The following CCDC60 variants were observed in gnomAD, a reference collection of about 807,000 sequenced individuals.
CCDC60 encodes the protein coiled-coil domain containing 60.
A neutral mutation model predicts 63.5 loss-of-function variants in CCDC60; 54 were observed. That is an observed-to-expected ratio of 0.85 (90% CI 0.68 to 1.07). The LOEUF (loss-of-function observed/expected upper bound fraction) is 1.07. CCDC60 is among the 50% of genes least tolerant of loss of function. CCDC60 has a pLI of 0.00. For missense variants in CCDC60, 651 were observed against 684.3 expected (o/e 0.95, Z 0.54); for synonymous variants, 206 against 238.8 (o/e 0.86, Z 1.27).
intron 1 of CCDC60, among the ~76,000 whole-genome samples, chr12:119,387,378 A>G (rs1462924571): frequency 1.3e-5 from 2 of 152,218 alleles, no homozygotes; most frequent in Non-Finnish European, 2.9e-5. Context: ...AGTATTTGCT[A>G]GATTTTTCTA....
intron 1 of CCDC60, among the ~76,000 whole-genome samples, chr12:119,338,399 T>C (rs1249384566): frequency 6.6e-6 from 1 of 152,098 alleles, no homozygotes; most frequent in Non-Finnish European, 1.5e-5. Context: ...AACTCTTAAG[T>C]GTGATATTTT....
At position 119,339,817 on chromosome 12, in the gene CCDC60, A is replaced by T. The variant is rs556271343; in HGVS notation, c.90+4551A>T. On this transcript the variant is annotated intron_variant, in intron 1 of 13. Transcript: ENST00000327554. ...AGCGAGATCCTGTCTCAATAAATCA[A>T]CCAACCAATAAAAGAGCAGATTCTT... Among the ~76,000 whole-genome samples, 5 of 152,260 alleles carry T rather than the reference A, an allele frequency of 3.3e-5. No homozygotes were observed. In the South Asian group the frequency reaches 1.0e-3, roughly 32 times the overall value.
At chr12:119,507,614 A>ATTTTTTT (rs1184630442) in intron 7 of CCDC60, among the ~76,000 whole-genome samples, 11 of 50,494 alleles carry the variant, frequency 2.2e-4, no homozygotes, top group African/African-American at 6.4e-4. Context: ...ATATATATAT[A>ATTTTTTT]TTTTTTTTTT....
At chr12:119,471,458 T>C (rs1401609315) in intron 2 of CCDC60, among the ~76,000 whole-genome samples, 1 of 152,208 alleles carries the variant, frequency 6.6e-6, no homozygotes, top group Non-Finnish European at 1.5e-5. Flanking sequence ...CCCCTTCCCA[T>C]GCATGATGGT....
chr12:119,519,401 A>ATG (rs141127258), intron 8 of CCDC60, among the ~76,000 whole-genome samples: 4,999 of 136,400 alleles, frequency 0.037, 112 homozygotes, highest in Middle Eastern at 0.054. Context: ...AGTGATATAT[A>ATG]TGTGTGTGTG....
At chr12:119,500,289 G>A (rs1338362962) in intron 6 of CCDC60, 121 bp downstream of exon 6, 1 of 691,366 alleles carries the variant, frequency 1.4e-6, no homozygotes, top group Non-Finnish European at 2.5e-6. Flanking sequence ...TCGGAGTGAA[G>A]GGAAGTCAGA....
At chr12:119,457,115 C>G (rs959442900) in intron 2 of CCDC60, among the ~76,000 whole-genome samples, 2 of 152,140 alleles carry the variant, frequency 1.3e-5, no homozygotes, top group African/African-American at 4.8e-5. Context: ...GCACACTTAC[C>G]CTTAGCCAAA....
chr12:119,403,218 T>C (rs1486261375), intron 1 of CCDC60, among the ~76,000 whole-genome samples: 1 of 152,116 alleles, frequency 6.6e-6, no homozygotes, highest in Non-Finnish European at 1.5e-5. Flanking sequence ...TGGTTTTTCT[T>C]TGGGTCTCAG....
rs769581580 is a variant in CCDC60, at chr12:119,474,201, A to C, written c.341+2037A>C. Among the ~76,000 whole-genome samples the C allele has an allele frequency of 8.3e-4, 126 of 152,244 alleles. 3 individuals are homozygous for C. Among genetic ancestry groups the C allele is most frequent in the Non-Finnish European group, 3.2e-4 (22 of 68,050 alleles). ...TAAAAAGGAATAGGTGTTGGCTTGG[A>C]TATTCATAGAATTTTTTTAAGTTCC... is the stretch of plus-strand genomic sequence containing the variant. On this transcript the variant is annotated intron_variant, in intron 3 of 13. Coordinates refer to ENST00000327554, the MANE Select transcript of CCDC60 (RefSeq NM_178499.5).
intron 1 of CCDC60, among the ~76,000 whole-genome samples, chr12:119,427,258 C>A (rs187344250): frequency 6.6e-6 from 1 of 152,288 alleles, no homozygotes; most frequent in East Asian, 1.9e-4. Context: ...CATTTCATAT[C>A]TTTGATATGT....
At chr12:119,384,665 T>A (rs997805757) in intron 1 of CCDC60, among the ~76,000 whole-genome samples, 1 of 152,188 alleles carries the variant, frequency 6.6e-6, no homozygotes, top group Non-Finnish European at 1.5e-5. Context: ...ACCTGTGAAG[T>A]CTGCAGAGAG....
At chr12:119,433,328 C>T (rs1566006746) in intron 2 of CCDC60, 1 of 688,136 alleles carries the variant, frequency 1.5e-6, no homozygotes, top group Non-Finnish European at 2.6e-6. Context: ...TCTGTCACTC[C>T]CAACAGACGC....
intron 2 of CCDC60, among the ~76,000 whole-genome samples, chr12:119,429,099 A>G (rs1956952321): frequency 6.6e-6 from 1 of 152,178 alleles, no homozygotes; most frequent in African/African-American, 2.4e-5. Flanking sequence ...GTGGAGTCAG[A>G]GTCGTTCTCA....
Position 119,528,683 on chromosome 12 carries a change from T to A in CCDC60, c.1298T>A (p.Ile433Lys). Residue 433 changes from isoleucine (I) to lysine (K), a missense_variant, in exon 12 of 14, where the codon ATA becomes AAA. Transcript: ENST00000327554. ...CTTGTCTCAAATTTTCAAAAGGACATAGCAAAAATGAGACATCACATATCT... is the reference window on the plus strand; with the variant it reads ...CTTGTCTCAAATTTTCAAAAGGACAAAGCAAAAATGAGACATCACATATCT... ...FVLVSNFQKD[I>K]AKMRHHISVV... The A allele has an allele frequency of 6.2e-7, 1 of 1,613,886 alleles. No individual in the cohort carries two copies. The highest frequency in any genetic ancestry group is 8.5e-7 in the Non-Finnish European group (1 of 1,179,862).
intron 1 of CCDC60, among the ~76,000 whole-genome samples, chr12:119,350,343 G>T (rs143982767): frequency 8.9e-4 from 136 of 152,090 alleles, no homozygotes; most frequent in African/African-American, 3.2e-3. Context: ...GATTATAGGC[G>T]CATACCACAA....
Position 119,507,575 on chromosome 12 carries a change from TATACACATATATATACATATATATATATA to T in CCDC60, c.883+2273_883+2301del, listed in dbSNP as rs1952066511. Among the ~76,000 whole-genome samples, 3 of 38,888 alleles carry T rather than the reference TATACACATATATATACATATATATATATA, an allele frequency of 7.7e-5. 1 individual carries two copies. Among genetic ancestry groups the T allele is most frequent in the African/African-American group, 2.4e-4 (1 of 4,200 alleles). The allele number at this position is 38,888 out of a possible 152,430, so 25.5% of individuals were successfully genotyped here. ...ACATATATATATATATATATGTATA[TATACACATATATATACATATATATATATA>T]TATATATATATTTTTTTTTTTTTTT... On this transcript the variant is annotated intron_variant, in intron 7 of 13. Coordinates refer to ENST00000327554, the MANE Select transcript of CCDC60 (RefSeq NM_178499.5).
chr12:119,424,057 G>C (rs1008486350), intron 1 of CCDC60, among the ~76,000 whole-genome samples: 2 of 151,996 alleles, frequency 1.3e-5, no homozygotes, highest in East Asian at 3.8e-4. Context: ...AAAAATTATC[G>C]TTTAATTGCC....
chr12:119,350,771 G>C (rs369170713), intron 1 of CCDC60, among the ~76,000 whole-genome samples: 4 of 152,276 alleles, frequency 2.6e-5, no homozygotes, highest in East Asian at 1.9e-4. Context: ...TCAGATCCTA[G>C]TTTTTCAGAA....
At position 119,456,060 on chromosome 12, in the gene CCDC60, A is replaced by AAAGAAAGAAAGCAAGCAAGCAAGC. The variant is rs1224088473; in HGVS notation, c.171-15931_171-15930insAAAGAAAGCAAGCAAGCAAGCAAG. On this transcript the variant is annotated intron_variant, in intron 2 of 13. Transcript: ENST00000327554. This position sits in a 1 kb window ranked among gnomAD's most constrained non-coding sequence, Gnocchi z 4.6. Reference sequence around the variant, plus strand: ...GAAAGAAAGAAAGAAAGAAAGAAAGAAAGCAAGCAAGCATGTGCAATTTCA... The same window carrying AAAGAAAGAAAGCAAGCAAGCAAGC: ...GAAAGAAAGAAAGAAAGAAAGAAAGAAAGAAAGAAAGCAAGCAAGCAAGCAAGCAAGCAAGCATGTGCAATTTCA... Among the ~76,000 whole-genome samples, 8 of 118,768 alleles carry AAAGAAAGAAAGCAAGCAAGCAAGC rather than the reference A, an allele frequency of 6.7e-5. No individual in the cohort carries two copies. Among genetic ancestry groups the AAAGAAAGAAAGCAAGCAAGCAAGC allele is most frequent in the Non-Finnish European group, 1.2e-4 (7 of 56,394 alleles). The allele number at this position is 118,768 out of a possible 152,430, so 77.9% of individuals were successfully genotyped here. A position where few individuals can be genotyped will look rare whatever the true frequency, so the allele number is the denominator to read the frequency against.
Sources: allele counts gnomAD v4.1 joint callset (sites outside exome capture counted in the v4.1 genomes callset), GRCh38; gene constraint gnomAD v4.1.1; non-coding constraint Gnocchi (gnomAD v3.1); transcripts MANE v1.5; gene names NCBI Gene and HGNC (gene_info 2026-07-23, HGNC 2026-07-21).